TP53BP1: variants seen among roughly 807,000 people sequenced by gnomAD.
The protein encoded by TP53BP1 is tumor protein p53 binding protein 1.
In TP53BP1, 61 loss-of-function variants were observed where a neutral mutation model predicts 200.8. The observed-to-expected ratio is 0.30, with a 90% CI of 0.25 to 0.38. TP53BP1 has a LOEUF of 0.38. Ranked by LOEUF, TP53BP1 falls within the 10% of genes least tolerant of loss-of-function variation. The pLI is 1.00. For missense variants in TP53BP1, 2,144 were observed against 2,371.9 expected (o/e 0.90, Z 2.00); for synonymous variants, 822 against 844.3 (o/e 0.97, Z 0.46).
chr15:43,422,191 T>C (rs1349487514), intron 18 of TP53BP1, 65 bp from the exon 19 acceptor site: 28 of 1,538,650 alleles, frequency 1.8e-5, no homozygotes, highest in African/African-American at 8.3e-5. Flanking sequence ...AATATGATGG[T>C]TGGAAAATCC....
chr15:43,409,607 T>C (rs1342090378), intron 25 of TP53BP1, 40 bp downstream of exon 25: 2 of 1,153,366 alleles, frequency 1.7e-6, no homozygotes, highest in East Asian at 5.1e-5. Context: ...TTGGCTCTTA[T>C]CATTGCCACT....
Position 43,422,268 on chromosome 15 carries a change from G to T in TP53BP1, c.3829-142C>A, listed in dbSNP as rs549709539. The stretch of plus-strand genomic sequence containing the variant: ...GGAGACTTTCTGGAATAATGGGAAT[G>T]TTCTGTATCTGTTTTGAGTAGTGGT... On this transcript the variant is annotated intron_variant, in intron 18 of 27. Transcript: ENST00000382044. 130 of 1,017,522 alleles carry T rather than the reference G, an allele frequency of 1.3e-4. No individual in the cohort carries two copies. The African/African-American group carries it at 2.0e-3, about 16-fold the overall frequency. The allele number at this position is 1,017,522 out of a possible 1,614,324, so 63.0% of individuals were successfully genotyped here.
chr15:43,434,061 T>C (rs1282047606), intron 16 of TP53BP1, among the ~76,000 whole-genome samples: 1 of 152,072 alleles, frequency 6.6e-6, no homozygotes, highest in Non-Finnish European at 1.5e-5. Context: ...TCAAATAGAG[T>C]TCTAGCCAAG....
chr15:43,453,227 A>T (rs1399249595), intron 12 of TP53BP1, among the ~76,000 whole-genome samples: 2 of 150,370 alleles, frequency 1.3e-5, no homozygotes, highest in South Asian at 4.2e-4. Context: ...AAGTACTCCA[A>T]AATAACTATA....
At chr15:43,461,421 T>C (rs1044245625) in intron 11 of TP53BP1, among the ~76,000 whole-genome samples, 2 of 152,062 alleles carry the variant, frequency 1.3e-5, no homozygotes, top group African/African-American at 4.8e-5. Flanking sequence ...TTTTGCCATG[T>C]TGCCCAGGCT....
In TP53BP1 at chr15:43,501,504, G is replaced by A. The variant is rs138624915; in HGVS notation, c.-9+8866C>T. On this transcript the variant is annotated intron_variant, in intron 1 of 27. Coordinates refer to the TP53BP1 transcript ENST00000263801. ...GCTGGGAACACAGGCATGGGCCACC[G>A]TGCTTGGCCAGTAATTTGATGAGCT... Among the ~76,000 whole-genome samples the A allele has an allele frequency of 4.6e-5, 7 of 152,164 alleles. No individual in the cohort carries two copies. In the East Asian group the frequency reaches 1.4e-3, roughly 29 times the overall value.
intron 12 of TP53BP1, among the ~76,000 whole-genome samples, chr15:43,449,190 A>G (rs1238517737): frequency 6.6e-6 from 1 of 152,226 alleles, no homozygotes; most frequent in Non-Finnish European, 1.5e-5. Context: ...GAATCTCAAC[A>G]TTACATCTAA....
chr15:43,414,775 G>C (rs984074066), intron 23 of TP53BP1, among the ~76,000 whole-genome samples: 1 of 151,598 alleles, frequency 6.6e-6, no homozygotes, highest in Non-Finnish European at 1.5e-5. Flanking sequence ...GCGTGATCTC[G>C]GCTCACTGCA....
intron 15 of TP53BP1, among the ~76,000 whole-genome samples, chr15:43,440,648 G>A (rs2045907586): frequency 6.6e-6 from 1 of 152,064 alleles, no homozygotes; most frequent in African/African-American, 2.4e-5. Context: ...AGCACTTTGG[G>A]AAGTCAAGGC....
chr15:43,478,763 G>C (rs947983475), intron 7 of TP53BP1, among the ~76,000 whole-genome samples: 6 of 152,150 alleles, frequency 3.9e-5, no homozygotes, highest in Non-Finnish European at 7.3e-5. Context: ...AGAAACAGTA[G>C]GCTTTCAAAT....
At chr15:43,438,269 C>T (rs2045846494) in intron 16 of TP53BP1, 55 bp downstream of exon 16, 1 of 1,507,576 alleles carries the variant, frequency 6.6e-7, no homozygotes, top group Non-Finnish European at 9.2e-7. Flanking sequence ...GATTTGGGCA[C>T]TAACCATTTT....
chr15:43,446,616 G>A (rs1176018794), intron 13 of TP53BP1, 26 bp from the exon 14 acceptor site: 5 of 1,595,538 alleles, frequency 3.1e-6, no homozygotes, highest in Admixed American at 1.8e-5. Flanking sequence ...CAGGGAGGAA[G>A]AAAAAAAGAA....
chr15:43,462,216 C>CAAAAAAAAAAAAAA (rs779088744), intron 11 of TP53BP1, among the ~76,000 whole-genome samples: 2 of 34,054 alleles, frequency 5.9e-5, no homozygotes, highest in Non-Finnish European at 6.2e-5. Flanking sequence ...GACTTCATCT[C>CAAAAAAAAAAAAAA]AAAAAAAAAA....
At chr15:43,433,327 A>G (rs2142998789) in intron 16 of TP53BP1, among the ~76,000 whole-genome samples, 1 of 152,336 alleles carries the variant, frequency 6.6e-6, no homozygotes, top group Non-Finnish European at 1.5e-5. Flanking sequence ...CCATTTGGGT[A>G]TCAGTGATTC....
chr15:43,406,694 T>TGACA lies in TP53BP1; in HGVS notation c.*685_*688dup. 2.3e-6 allele frequency: 1 copy of TGACA among 439,328 alleles called. No individual in the cohort carries two copies. The highest frequency in any genetic ancestry group is 7.0e-5 in the East Asian group (1 of 14,296). 27.2% of individuals were successfully genotyped at this position (439,328 alleles called of 1,614,324 possible). ...GGGAAGGAACTGCTTCCAGCTATTG[T>TGACA]GACAATAATAATAATAATAATATTG... On this transcript the variant is annotated 3_prime_UTR_variant, in exon 28 of 28. Coordinates refer to ENST00000382044, the MANE Select transcript of TP53BP1 (RefSeq NM_001141980.3).
chr15:43,403,391 C>A lies in TP53BP1; in HGVS notation c.*3992G>T. The A allele has an allele frequency of 4.1e-6, 1 of 242,968 alleles. No individual in the cohort carries two copies. Among genetic ancestry groups the A allele is most frequent in the Non-Finnish European group, 8.0e-6 (1 of 125,016 alleles). 15.1% of individuals were successfully genotyped at this position (242,968 alleles called of 1,614,324 possible). On this transcript the variant is annotated 3_prime_UTR_variant, in exon 28 of 28. Coordinates refer to ENST00000382044, the MANE Select transcript of TP53BP1 (RefSeq NM_001141980.3). ...GGGAACAACACTCACAGCTCAGAGG[C>A]AGGAAGACACTCTGCGGGTCTAAGA...
At chr15:43,430,922 G>C (rs182066678) in intron 17 of TP53BP1, among the ~76,000 whole-genome samples, 77 of 152,086 alleles carry the variant, frequency 5.1e-4, no homozygotes, top group African/African-American at 1.8e-3. Flanking sequence ...CTTAGAGGAA[G>C]CACTTTATGA....
In TP53BP1 at chr15:43,408,827, T is replaced by A. The variant is rs528140607; in HGVS notation, c.5600+70A>T. Reference sequence around the variant, plus strand: ...TTCTAGAAAGCTTTACTCTCTCACCTAGATTCTCTTCCCTCCAAAGCTTGC... The same window carrying A: ...TTCTAGAAAGCTTTACTCTCTCACCAAGATTCTCTTCCCTCCAAAGCTTGC... On this transcript the variant is annotated intron_variant, in intron 26 of 27. Coordinates refer to ENST00000382044, the MANE Select transcript of TP53BP1 (RefSeq NM_001141980.3). 23 of 1,490,586 alleles carry A rather than the reference T, an allele frequency of 1.5e-5. No homozygotes were observed. In the Admixed American group the frequency reaches 2.0e-4, roughly 13 times the overall value. The allele number at this position is 1,490,586 out of a possible 1,614,324, so 92.3% of individuals were successfully genotyped here. A position where few individuals can be genotyped will look rare whatever the true frequency, so the allele number is the denominator to read the frequency against.
chr15:43,433,709 A>G (rs988908855), intron 16 of TP53BP1, among the ~76,000 whole-genome samples: 3 of 152,198 alleles, frequency 2.0e-5, no homozygotes, highest in East Asian at 3.8e-4. Context: ...CCATGCTAAG[A>G]CCACATCTGG....
Sources: gnomAD v4.1 joint callset for allele counts (sites outside exome capture counted in the v4.1 genomes callset) on GRCh38, gnomAD v4.1.1 for gene constraint, MANE v1.5 for transcripts, NCBI Gene and HGNC (gene_info 2026-07-23, HGNC 2026-07-21) for gene names.